CDH10: variants seen among roughly 807,000 people sequenced by gnomAD.
CDH10 encodes the protein cadherin-10.
In CDH10, 30 loss-of-function variants were observed where a neutral mutation model predicts 73.1. That is an observed-to-expected ratio of 0.41 (90% CI 0.31 to 0.56). The LOEUF is 0.56. Among genes scored for constraint, CDH10 ranks in the 20% least tolerant of loss-of-function variants. The pLI is 0.27. For synonymous variants in CDH10, 345 were observed against 348.2 expected, an observed-to-expected ratio of 0.99 and a Z score of 0.10; for missense variants, 815 against 973.7, an observed-to-expected ratio of 0.84 and a Z score of 2.17.
chr5:24,523,185 T>C (rs1048112683), intron 5 of CDH10, among the ~76,000 whole-genome samples: 3 of 152,004 alleles, frequency 2.0e-5, no homozygotes, highest in Non-Finnish European at 2.9e-5. Context: ...TAAAAGCAAG[T>C]CAATGAGTAA....
At chr5:24,534,813 G>C (rs570764787) in intron 5 of CDH10, among the ~76,000 whole-genome samples, 1 of 151,840 alleles carries the variant, frequency 6.6e-6, no homozygotes, top group Non-Finnish European at 1.5e-5. Flanking sequence ...GTTTCCTTTT[G>C]TTAGCTGAAA....
chr5:24,595,617 T>C (rs957033038), intron 1 of CDH10, among the ~76,000 whole-genome samples: 3 of 151,940 alleles, frequency 2.0e-5, no homozygotes, highest in Non-Finnish European at 4.4e-5. Context: ...TGTATTAGGA[T>C]GTGCCAGACA....
At chr5:24,563,792 AAAAAAAAG>A (rs1451076043) in intron 2 of CDH10, among the ~76,000 whole-genome samples, 1 of 150,948 alleles carries the variant, frequency 6.6e-6, no homozygotes, top group African/African-American at 2.4e-5. Flanking sequence ...AAAAAAAAAA[AAAAAAAAG>A]AGAAAAAAAC....
Position 24,630,234 on chromosome 5 carries a change from G to A in CDH10, c.-124+14360C>T, listed in dbSNP as rs140324816. The stretch of plus-strand genomic sequence containing the variant: ...AGTTTTCCAAAGCCAGAGAGCCCTA[G>A]TGGCTGGAGAACTCAGGGAATATTT... On this transcript the variant is annotated intron_variant, in intron 1 of 11. Transcript: ENST00000264463. 9.9e-5 allele frequency among the ~76,000 whole-genome samples: 15 copies of A among 152,176 alleles called. No individual in the cohort carries two copies. The East Asian group carries it at 2.5e-3, about 26-fold the overall frequency.
intron 5 of CDH10, among the ~76,000 whole-genome samples, chr5:24,512,003 G>A (rs1175895065): frequency 6.6e-6 from 1 of 152,044 alleles, no homozygotes; most frequent in Non-Finnish European, 1.5e-5. Flanking sequence ...GGTGGGAGGA[G>A]GGAGAGGATC....
chr5:24,637,802 C>T (rs1747915827), intron 1 of CDH10, among the ~76,000 whole-genome samples: 1 of 151,626 alleles, frequency 6.6e-6, no homozygotes, highest in Non-Finnish European at 1.5e-5. Context: ...GTACTGAGCC[C>T]CTAAGTACTA....
At chr5:24,609,830 C>T in intron 1 of CDH10, 1 of 152,284 alleles carries the variant, frequency 6.6e-6, no homozygotes, top group Non-Finnish European at 1.5e-5. Flanking sequence ...TAATTCCCCA[C>T]TAGCTGGCTT....
intron 2 of CDH10, among the ~76,000 whole-genome samples, chr5:24,538,236 T>G (rs933420438): frequency 6.6e-6 from 1 of 152,146 alleles, no homozygotes; most frequent in Non-Finnish European, 1.5e-5. Flanking sequence ...CCACAAATAT[T>G]TGTAGTACTC....
At chr5:24,520,003 C>T (rs1487090445) in intron 5 of CDH10, among the ~76,000 whole-genome samples, 1 of 152,186 alleles carries the variant, frequency 6.6e-6, no homozygotes, top group African/African-American at 2.4e-5. Flanking sequence ...TGTGTGTTCA[C>T]TTGGCCTCCC....
At chr5:24,520,744 T>G (rs879663448) in intron 5 of CDH10, among the ~76,000 whole-genome samples, 2 of 152,166 alleles carry the variant, frequency 1.3e-5, no homozygotes, top group Non-Finnish European at 2.9e-5. Flanking sequence ...TTGTTTTTTT[T>G]GAGATGGCAT....
intron 1 of CDH10, among the ~76,000 whole-genome samples, chr5:24,619,451 A>C (rs192148283): frequency 4.3e-4 from 65 of 152,080 alleles, no homozygotes; most frequent in Middle Eastern, 3.4e-3. Flanking sequence ...CCTCGGCCTC[A>C]CAAAGTGCTG....
chr5:24,607,162 T>G (rs1746788117), intron 1 of CDH10, among the ~76,000 whole-genome samples: 1 of 151,670 alleles, frequency 6.6e-6, no homozygotes, highest in Admixed American at 6.6e-5. Context: ...CTTAGGGGAG[T>G]GTGTAATTTA....
rs267600593 is a variant in CDH10 at position 24,535,226 on chromosome 5, G to C, written c.700C>G (p.Gln234Glu). 6.2e-7 allele frequency: 1 copy of C among 1,613,194 alleles called. No individual in the cohort carries two copies. Among genetic ancestry groups the C allele is most frequent in the East Asian group, 2.2e-5 (1 of 44,834 alleles). The change falls in exon 5 of 12, where the codon CAA (glutamine) becomes GAA (glutamate). Residue 234 changes from glutamine (Q) to glutamate (E), a missense_variant. Gln to Glu is a conservative substitution (Grantham distance 29, BLOSUM62 2). Coordinates refer to ENST00000264463, the MANE Select transcript of CDH10 (RefSeq NM_006727.5). ...ATGTCTTTGGCCTGGATGACCACTT[G>C]GTATTGCTCTCTGTTTTCTCTGTTC... is the stretch of plus-strand genomic sequence containing the variant. ...NMNRENREQYQVVIQAKDMGG... is the reference protein window; with the variant it reads ...NMNRENREQYEVVIQAKDMGG...
At chr5:24,536,979 G>A (rs181578871) in intron 3 of CDH10, among the ~76,000 whole-genome samples, 8 of 151,564 alleles carry the variant, frequency 5.3e-5, no homozygotes, top group African/African-American at 1.4e-4. Context: ...GAAATTTTTC[G>A]GTAAATTATG....
chr5:24,522,994 T>C (rs1245172269), intron 5 of CDH10, among the ~76,000 whole-genome samples: 1 of 151,934 alleles, frequency 6.6e-6, no homozygotes, highest in African/African-American at 2.4e-5. Flanking sequence ...AGGTTGACAA[T>C]GGTGAATATT....
At chr5:24,502,494 T>C (rs1742536569) in intron 8 of CDH10, among the ~76,000 whole-genome samples, 2 of 152,172 alleles carry the variant, frequency 1.3e-5, no homozygotes, top group Non-Finnish European at 2.9e-5. Context: ...CCTTGTATGC[T>C]GTTTCCCTCT....
At chr5:24,560,423 T>C (rs754494011) in intron 2 of CDH10, among the ~76,000 whole-genome samples, 1 of 152,060 alleles carries the variant, frequency 6.6e-6, no homozygotes, top group Non-Finnish European at 1.5e-5. Flanking sequence ...TAGATTTTTC[T>C]TTTCATTTAT....
At chr5:24,491,002 C>T (rs1427653325) in intron 11 of CDH10, among the ~76,000 whole-genome samples, 1 of 152,098 alleles carries the variant, frequency 6.6e-6, no homozygotes, top group Non-Finnish European at 1.5e-5. Context: ...TCCATCTCTT[C>T]CAACCCCTAC....
intron 1 of CDH10, among the ~76,000 whole-genome samples, chr5:24,598,200 G>A (rs1746436052): frequency 6.6e-6 from 1 of 151,872 alleles, no homozygotes; most frequent in South Asian, 2.1e-4. Context: ...AAAGCACCAT[G>A]TGAGATAATT....
Sources: allele counts gnomAD v4.1 joint callset (sites outside exome capture counted in the v4.1 genomes callset), GRCh38; gene constraint gnomAD v4.1.1; transcripts MANE v1.5; gene names NCBI Gene and HGNC (gene_info 2026-07-23, HGNC 2026-07-21).